The following CPSF2 variants were observed in gnomAD, a reference collection of about 807,000 sequenced individuals.
CPSF2 encodes the protein cleavage and polyadenylation specific factor 2.
In CPSF2, 51 loss-of-function variants were observed where a neutral mutation model predicts 84.2. The ratio of observed to expected loss-of-function variants is 0.61; its 90% CI spans 0.48 to 0.77. The LOEUF (loss-of-function observed/expected upper bound fraction) is 0.77. Among genes scored for constraint, CPSF2 ranks in the 30% least tolerant of loss-of-function variants. The pLI is 0.00. For synonymous variants in CPSF2, 286 were observed against 311.9 expected, an observed-to-expected ratio of 0.92 and a Z score of 0.87; for missense variants, 641 against 929.4, an observed-to-expected ratio of 0.69 and a Z score of 4.03.
chr14:92,122,156 G>A, intron 1 of CPSF2, 28 bp downstream of exon 1: 3 of 347,832 alleles, frequency 8.6e-6, no homozygotes, highest in South Asian at 4.9e-5. Context: ...AAAGGAGCGA[G>A]CCTCGGGCTG....
chr14:92,153,718 T>TTTTTTA (rs2069250728), intron 9 of CPSF2, among the ~76,000 whole-genome samples: 1 of 151,402 alleles, frequency 6.6e-6, no homozygotes, highest in South Asian at 2.1e-4. Context: ...TTTTTTTTTT[T>TTTTTTA]TCTGAGACAG....
chr14:92,140,340 G>GTCAA (rs1208072961), intron 7 of CPSF2, among the ~76,000 whole-genome samples: 2 of 151,940 alleles, frequency 1.3e-5, no homozygotes, highest in Non-Finnish European at 2.9e-5. Context: ...TGACATTGTG[G>GTCAA]TCAATGGTCA....
chr14:92,123,629 G>C (rs1595046540), intron 1 of CPSF2, among the ~76,000 whole-genome samples: 1 of 152,168 alleles, frequency 6.6e-6, no homozygotes, highest in African/African-American at 2.4e-5. Context: ...GAACTCCTGA[G>C]CTCAAGTGAT....
intron 6 of CPSF2, among the ~76,000 whole-genome samples, chr14:92,135,957 T>C (rs562773073): frequency 2.6e-5 from 4 of 152,308 alleles, no homozygotes; most frequent in African/African-American, 9.6e-5. Flanking sequence ...GTTGGGTCTT[T>C]CCCGTGCTGT....
chr14:92,152,656 C>A (rs972319413), intron 9 of CPSF2, among the ~76,000 whole-genome samples: 1 of 151,870 alleles, frequency 6.6e-6, no homozygotes, highest in Non-Finnish European at 1.5e-5. Flanking sequence ...CCAGGCTGGT[C>A]TCGGACTCCT....
chr14:92,147,990 G>A (rs1224525151), intron 9 of CPSF2, among the ~76,000 whole-genome samples: 1 of 152,218 alleles, frequency 6.6e-6, no homozygotes, highest in Non-Finnish European at 1.5e-5. Flanking sequence ...CTCCCAAAGT[G>A]TGGGTATTAT....
chr14:92,122,373 T>A (rs781162023), intron 1 of CPSF2: 68 of 162,986 alleles, frequency 4.2e-4, no homozygotes, highest in South Asian at 1.1e-3. Context: ...TCCCGGGATC[T>A]TCTTCCCTCC....
rs533240011 is a variant in CPSF2 at position 92,125,444 on chromosome 14, G to T, written c.-93-678G>T. ...TTGGTCACAAGATAGAATCAGTAAC[G>T]TTAGGAAGGGGTGGTCCACTAAATA... On this transcript the variant is annotated intron_variant, in intron 1 of 15. Transcript: ENST00000298875. Among the ~76,000 whole-genome samples the T allele has an allele frequency of 2.4e-3, 369 of 152,236 alleles. 4 individuals carry two copies. The highest frequency in any genetic ancestry group is 3.4e-3 in the Middle Eastern group (1 of 294).
At chr14:92,161,278 A>T (rs375409459) in intron 15 of CPSF2, 32 bp downstream of exon 15, 1 of 1,583,728 alleles carries the variant, frequency 6.3e-7, no homozygotes, top group Non-Finnish European at 8.6e-7. Flanking sequence ...GCTGAATTGA[A>T]CACATACGTC....
rs2069473820 is a variant in CPSF2 at position 92,168,098 on chromosome 14, A to G, written c.*6354A>G. On this transcript the variant is annotated 3_prime_UTR_variant, in exon 16 of 16. Transcript: ENST00000298875. The stretch of plus-strand genomic sequence containing the variant: ...CTCATCTCTACTAAAATTACGAAAA[A>G]TTAGTCAGGTGTGGTGACGGGTGCC... 1 of 151,850 alleles carries G rather than the reference A, an allele frequency of 6.6e-6. No individual in the cohort carries two copies. Among genetic ancestry groups the G allele is most frequent in the African/African-American group, 2.4e-5 (1 of 41,316 alleles). 9.4% of individuals were successfully genotyped at this position (151,850 alleles called of 1,614,324 possible).
chr14:92,155,098 T>G, intron 10 of CPSF2, 25 bp from the exon 11 acceptor site: 1 of 1,489,808 alleles, frequency 6.7e-7, no homozygotes, highest in Non-Finnish European at 9.4e-7. Flanking sequence ...CTTTATGACC[T>G]TGATCTATTC....
chr14:92,144,792 G>A (rs771019986), intron 9 of CPSF2, among the ~76,000 whole-genome samples: 1 of 152,140 alleles, frequency 6.6e-6, no homozygotes, highest in Non-Finnish European at 1.5e-5. Flanking sequence ...CCTTTCTCAC[G>A]GTAAGGTAAT....
chr14:92,133,907 GC>G, intron 3 of CPSF2, 103 bp from the exon 4 acceptor site: 1 of 1,159,138 alleles, frequency 8.6e-7, no homozygotes, highest in Non-Finnish European at 1.2e-6. Flanking sequence ...TTGCTCTTCT[GC>G]CCCAGTGTAG....
chr14:92,123,679 G>A (rs866671005), intron 1 of CPSF2, among the ~76,000 whole-genome samples: 5 of 152,318 alleles, frequency 3.3e-5, no homozygotes, highest in East Asian at 1.9e-4. Context: ...GATTAAAGGC[G>A]CAAGCCACTG....
At position 92,138,333 on chromosome 14, in the gene CPSF2, A is replaced by G. The variant is rs751255139; in HGVS notation, c.647A>G (p.Asp216Gly). ...TYVQPRRKQR[D>G]EQLLTNVLET... Reference sequence around the variant, plus strand: ...GTACAGCCTAGAAGAAAACAGAGAGATGAGCAGCTTCTGAGTACGTATTCT... The same window carrying G: ...GTACAGCCTAGAAGAAAACAGAGAGGTGAGCAGCTTCTGAGTACGTATTCT... Residue 216 changes from aspartate (D) to glycine (G), a missense_variant, in exon 7 of 16, where the codon GAT becomes GGT. By Grantham distance (94) the Asp-to-Gly change is moderately conservative (BLOSUM62 -1). Coordinates refer to ENST00000298875, the MANE Select transcript of CPSF2 (RefSeq NM_017437.3). 1.3e-6 allele frequency: 2 copies of G among 1,560,276 alleles called. No homozygotes were observed. Among genetic ancestry groups the G allele is most frequent in the Non-Finnish European group, 1.7e-6 (2 of 1,149,358 alleles).
intron 2 of CPSF2, among the ~76,000 whole-genome samples, chr14:92,129,955 C>T (rs2068894486): frequency 1.3e-5 from 2 of 152,080 alleles, no homozygotes. Flanking sequence ...ACTACATTGC[C>T]TAGGCTGGTC....
rs532449991 is a variant in CPSF2, at chr14:92,136,296, T to C, written c.545+800T>C. On this transcript the variant is annotated intron_variant, in intron 6 of 15. Coordinates refer to ENST00000298875, the MANE Select transcript of CPSF2 (RefSeq NM_017437.3). ...AAATAGACTGAATTTTAGACACTTA[T>C]AACCATAGATTAATGAGGAAAGGAT... is the stretch of plus-strand genomic sequence containing the variant. 5.3e-5 allele frequency among the ~76,000 whole-genome samples: 8 copies of C among 152,320 alleles called. No individual in the cohort carries two copies. The South Asian group carries it at 1.2e-3, about 24-fold the overall frequency.
chr14:92,128,477 G>A (rs1234963499), intron 2 of CPSF2, among the ~76,000 whole-genome samples: 3 of 152,096 alleles, frequency 2.0e-5, no homozygotes, highest in South Asian at 4.1e-4. Flanking sequence ...GTGAGACTCC[G>A]TCTCAAAAAA....
intron 9 of CPSF2, among the ~76,000 whole-genome samples, chr14:92,148,771 C>CA (rs34118244): frequency 0.19 from 14,211 of 74,518 alleles, 883 homozygotes; most frequent in African/African-American, 0.28. Context: ...GGCCTCTTCT[C>CA]AAAAAAAAAA....
Sources: gnomAD v4.1 joint callset for allele counts (sites outside exome capture counted in the v4.1 genomes callset) on GRCh38, gnomAD v4.1.1 for gene constraint, MANE v1.5 for transcripts, NCBI Gene and HGNC (gene_info 2026-07-23, HGNC 2026-07-21) for gene names.